Variants in SCGB2A1 observed in about 807,000 individuals in gnomAD.
SCGB2A1 encodes secretoglobin family 2A member 1, also known as mammaglobin-B.
Under a neutral mutation model 9.2 loss-of-function variants are expected in SCGB2A1, and 6 were observed. That is an observed-to-expected ratio of 0.66 (90% CI 0.36 to 1.29). SCGB2A1 has a LOEUF of 1.29. Ranked by LOEUF, SCGB2A1 falls within the 50% of genes most tolerant of loss-of-function variation. The pLI, the probability that SCGB2A1 is intolerant of heterozygous loss-of-function variation, is 0.03. For synonymous variants in SCGB2A1, 37 were observed against 41.0 expected, an observed-to-expected ratio of 0.90 and a Z score of 0.37; for missense variants, 138 against 116.9, an observed-to-expected ratio of 1.18 and a Z score of -0.83.
At chr11:62,212,966 G>A (rs961466028) in intron 2 of SCGB2A1, among the ~76,000 whole-genome samples, 1 of 122,868 alleles carries the variant, frequency 8.1e-6, no homozygotes, top group Non-Finnish European at 1.9e-5. Flanking sequence ...GTACACATAT[G>A]TACACATATA....
rs1554985836 is a variant in SCGB2A1, at chr11:62,212,992, G to GTACACA, written c.244-734_244-733insTACACA. On this transcript the variant is annotated intron_variant, in intron 2 of 2. Coordinates refer to ENST00000244930, the MANE Select transcript of SCGB2A1 (RefSeq NM_002407.3). ...TACACATATATGTGCACATATACAT[G>GTACACA]CATATATGTACACATATATGCACAT... 1.4e-3 allele frequency among the ~76,000 whole-genome samples: 154 copies of GTACACA among 112,094 alleles called. 1 individual carries two copies. Among genetic ancestry groups the GTACACA allele is most frequent in the African/African-American group, 5.4e-3 (150 of 28,008 alleles). 73.5% of individuals were successfully genotyped at this position (112,094 alleles called of 152,430 possible).
chr11:62,210,529 G>A lies in SCGB2A1; in HGVS notation c.172G>A (p.Ala58Thr). The change falls in exon 2 of 3, where the codon GCT (alanine) becomes ACT (threonine). Residue 58 changes from alanine to threonine, a missense_variant. Ala to Thr is a moderately conservative substitution (Grantham distance 58, BLOSUM62 0). Coordinates refer to ENST00000244930, the MANE Select transcript of SCGB2A1 (RefSeq NM_002407.3). Reference sequence around the variant, plus strand: ...CATAGACAGTGATGCCGCTGCAGAGGCTATGGGGAAATTCAAGCAGTGTTT... The same window carrying A: ...CATAGACAGTGATGCCGCTGCAGAGACTATGGGGAAATTCAAGCAGTGTTT... The part of the protein sequence containing the change: ...EFIDSDAAAE[A>T]MGKFKQCFLN... 6.3e-7 allele frequency: 1 copy of A among 1,591,276 alleles called. No homozygotes were observed.
At position 62,210,463 on chromosome 11, in the gene SCGB2A1, G is replaced by A. The variant is rs145763601; in HGVS notation, c.106G>A (p.Asp36Asn). 1.8e-4 allele frequency: 283 copies of A among 1,562,130 alleles called. No individual in the cohort carries two copies. In the African/African-American group the frequency reaches 3.3e-3, roughly 18 times the overall value. The change falls in exon 2 of 3, where the codon GAC (aspartate) becomes AAC (asparagine). Residue 36 changes from aspartate to asparagine, a missense_variant. Physicochemically the swap from Asp to Asn is conservative, Grantham distance 23. Transcript: ENST00000244930. Reference protein sequence around the residue: ...EDMVEKTINSDISIPEYKELL... With the variant: ...EDMVEKTINSNISIPEYKELL... Reference sequence around the variant, plus strand: ...CATGGTTGAAAAGACCATCAATTCCGACATATCTATACCTGAATACAAAGA... The same window carrying A: ...CATGGTTGAAAAGACCATCAATTCCAACATATCTATACCTGAATACAAAGA...
intron 2 of SCGB2A1, 59 bp downstream of exon 2, chr11:62,210,659 C>T: frequency 7.5e-7 from 1 of 1,328,862 alleles, no homozygotes; most frequent in Non-Finnish European, 9.9e-7. Context: ...CCAGCGGGCT[C>T]TAAATTTGGC....
intron 2 of SCGB2A1, 93 bp from the exon 3 acceptor site, chr11:62,213,633 G>A (rs1373933771): frequency 8.0e-7 from 1 of 1,255,760 alleles, no homozygotes; most frequent in East Asian, 2.3e-5. Context: ...TTAGCTGTTT[G>A]TGGACAAATG....
chr11:62,211,016 C>T (rs187601169), intron 2 of SCGB2A1, among the ~76,000 whole-genome samples: 5 of 151,446 alleles, frequency 3.3e-5, no homozygotes, highest in African/African-American at 9.7e-5. Flanking sequence ...CTCCACCTCC[C>T]GGGTTCAAGA....
chr11:62,211,992 G>A (rs935773222), intron 2 of SCGB2A1, among the ~76,000 whole-genome samples: 3 of 151,946 alleles, frequency 2.0e-5, no homozygotes, highest in Admixed American at 6.6e-5. Context: ...GCACGATCTC[G>A]GCTCACTACA....
chr11:62,213,031 C>CATATAT lies in SCGB2A1; in HGVS notation c.244-694_244-693insTATATA, dbSNP rs1375903167. 2.3e-4 allele frequency among the ~76,000 whole-genome samples: 16 copies of CATATAT among 70,972 alleles called. No individual in the cohort carries two copies. The South Asian group carries it at 3.0e-3, about 13-fold the overall frequency. The allele number at this position is 70,972 out of a possible 152,430, so 46.6% of individuals were successfully genotyped here. On this transcript the variant is annotated intron_variant, in intron 2 of 2. Transcript: ENST00000244930. Reference sequence around the variant, plus strand: ...ATATATGCACATATATACATATATACACACATATATACATATATACACATA... The same window carrying CATATAT: ...ATATATGCACATATATACATATATACATATATACACATATATACATATATACACATA...
intron 1 of SCGB2A1, among the ~76,000 whole-genome samples, chr11:62,209,487 G>A (rs942301892): frequency 4.6e-5 from 7 of 152,146 alleles, no homozygotes; most frequent in Non-Finnish European, 1.0e-4. Flanking sequence ...ATGTGTAGAA[G>A]GGTGACAAGC....
rs577371953 is a variant in SCGB2A1, at chr11:62,210,519, C to T, written c.162C>T (p.Ala54=). 3.8e-5 allele frequency: 60 copies of T among 1,594,890 alleles called. No individual in the cohort carries two copies. The highest frequency in any genetic ancestry group is 2.3e-4 in the South Asian group (19 of 84,220). ...ELLQEFIDSD[A]AAEAMGKFKQ... ...TTCAAGAGTTCATAGACAGTGATGCCGCTGCAGAGGCTATGGGGAAATTCA... is the reference window on the plus strand; with the variant it reads ...TTCAAGAGTTCATAGACAGTGATGCTGCTGCAGAGGCTATGGGGAAATTCA... Residue 54 remains alanine, a synonymous_variant, in exon 2 of 3, where the codon GCC becomes GCT. Coordinates refer to ENST00000244930, the MANE Select transcript of SCGB2A1 (RefSeq NM_002407.3).
chr11:62,212,832 C>T (rs1944840560), intron 2 of SCGB2A1, among the ~76,000 whole-genome samples: 1 of 151,646 alleles, frequency 6.6e-6, no homozygotes, highest in African/African-American at 2.4e-5. Context: ...ATCTCCTGGG[C>T]TCAAGTGATC....
rs749897608 is a variant in SCGB2A1 at position 62,213,794 on chromosome 11, G to C, written c.*24G>C. 1.2e-6 allele frequency: 2 copies of C among 1,606,606 alleles called. No homozygotes were observed. Among genetic ancestry groups the C allele is most frequent in the Non-Finnish European group, 1.7e-6 (2 of 1,173,662 alleles). On this transcript the variant is annotated 3_prime_UTR_variant, in exon 3 of 3. Coordinates refer to ENST00000244930, the MANE Select transcript of SCGB2A1 (RefSeq NM_002407.3). The stretch of plus-strand genomic sequence containing the variant: ...AACTTTACCCAAGGCGTTTGGCTCA[G>C]AGGGCTACAGACTATGGCCAGAACT...
At chr11:62,211,411 T>C (rs12287330) in intron 2 of SCGB2A1, among the ~76,000 whole-genome samples, 9 of 151,738 alleles carry the variant, frequency 5.9e-5, no homozygotes, top group Admixed American at 5.9e-4. Flanking sequence ...AAGAAAAAAA[T>C]TTTTTTGAGA....
intron 1 of SCGB2A1, 45 bp downstream of exon 1, chr11:62,208,831 A>G: frequency 6.3e-7 from 1 of 1,591,018 alleles, no homozygotes; most frequent in Non-Finnish European, 8.6e-7. Flanking sequence ...AGGAATTGTC[A>G]CCTGGGCCCC....
chr11:62,209,659 G>GTC (rs1944812696), intron 1 of SCGB2A1, among the ~76,000 whole-genome samples: 1 of 151,500 alleles, frequency 6.6e-6, no homozygotes, highest in Non-Finnish European at 1.5e-5. Flanking sequence ...GTGTGTGTGT[G>GTC]TGTGTGTGTG....
chr11:62,211,338 T>C (rs1031541416), intron 2 of SCGB2A1, among the ~76,000 whole-genome samples: 19 of 105,326 alleles, frequency 1.8e-4, no homozygotes, highest in African/African-American at 5.3e-4. Context: ...TTCAAAACAT[T>C]CTTATTTTTT....
At chr11:62,212,115 G>C (rs1192225026) in intron 2 of SCGB2A1, among the ~76,000 whole-genome samples, 1 of 146,950 alleles carries the variant, frequency 6.8e-6, no homozygotes, top group Non-Finnish European at 1.5e-5. Flanking sequence ...TAGAGATGGG[G>C]TTTCACCATG....
intron 2 of SCGB2A1, among the ~76,000 whole-genome samples, chr11:62,213,109 T>A (rs1277197484): frequency 6.9e-6 from 1 of 144,064 alleles, no homozygotes; most frequent in East Asian, 2.0e-4. Context: ...TATATATATT[T>A]TTTTTTTTGT....
chr11:62,208,866 T>G, intron 1 of SCGB2A1, 80 bp downstream of exon 1: 1 of 1,417,706 alleles, frequency 7.1e-7, no homozygotes, highest in East Asian at 2.3e-5. Context: ...CAACCTCTAA[T>G]CCCCAGCACA....
Sources: allele counts gnomAD v4.1 joint callset (sites outside exome capture counted in the v4.1 genomes callset), GRCh38; gene constraint gnomAD v4.1.1; transcripts MANE v1.5; gene names NCBI Gene and HGNC (gene_info 2026-07-23, HGNC 2026-07-21).